Variants in SPOCK3 observed in about 807,000 individuals in gnomAD.
The protein encoded by SPOCK3 is testican-3.
Under a neutral mutation model 56.6 loss-of-function variants are expected in SPOCK3, and 30 were observed. That is an observed-to-expected ratio of 0.53 (90% CI 0.40 to 0.72). The LOEUF (loss-of-function observed/expected upper bound fraction) is 0.72. Among genes scored for constraint, SPOCK3 ranks in the 30% least tolerant of loss-of-function variants. The pLI is 0.00. For missense variants in SPOCK3, 527 were observed against 530.0 expected, an observed-to-expected ratio of 0.99 and a Z score of 0.06; for synonymous variants, 196 against 183.3, an observed-to-expected ratio of 1.07 and a Z score of -0.56.
At chr4:167,204,378 G>A (rs762840682) in intron 2 of SPOCK3, among the ~76,000 whole-genome samples, 1 of 152,056 alleles carries the variant, frequency 6.6e-6, no homozygotes, top group Non-Finnish European at 1.5e-5. Context: ...ATTGACTCAC[G>A]TTCCACACAT....
chr4:166,944,627 T>C (rs943905839), intron 4 of SPOCK3, among the ~76,000 whole-genome samples: 1 of 152,294 alleles, frequency 6.6e-6, no homozygotes. Context: ...TCAGTTTGGG[T>C]TTATCTGATG....
At chr4:166,915,596 C>T (rs868210563) in intron 4 of SPOCK3, among the ~76,000 whole-genome samples, 3 of 151,960 alleles carry the variant, frequency 2.0e-5, no homozygotes, top group Admixed American at 6.6e-5. Flanking sequence ...GAGAGAGCAA[C>T]GTGTTTCTAA....
intron 2 of SPOCK3, among the ~76,000 whole-genome samples, chr4:167,150,143 G>C (rs1210682181): frequency 6.6e-6 from 1 of 152,106 alleles, no homozygotes; most frequent in Non-Finnish European, 1.5e-5. Context: ...TGCATGAGTG[G>C]AATAAGGGCT....
At chr4:167,217,296 C>A (rs530892458) in intron 2 of SPOCK3, among the ~76,000 whole-genome samples, 7 of 152,038 alleles carry the variant, frequency 4.6e-5, no homozygotes, top group Admixed American at 1.3e-4. Context: ...CAACCACAGG[C>A]TGAAAATACC....
intron 6 of SPOCK3, among the ~76,000 whole-genome samples, chr4:166,864,763 CA>C (rs1438986873): frequency 2.0e-5 from 3 of 152,080 alleles, no homozygotes; most frequent in Non-Finnish European, 4.4e-5. Context: ...AGACCAATAA[CA>C]AGTTCTGAAA....
chr4:167,069,362 C>G (rs1029202606), intron 2 of SPOCK3, among the ~76,000 whole-genome samples: 2 of 151,880 alleles, frequency 1.3e-5, no homozygotes, highest in Admixed American at 6.6e-5. Context: ...GTGAGAGAAC[C>G]ATTTTGAACT....
intron 3 of SPOCK3, among the ~76,000 whole-genome samples, chr4:167,057,353 C>A (rs558890149): frequency 6.6e-6 from 1 of 152,110 alleles, no homozygotes; most frequent in Admixed American, 6.5e-5. Context: ...TAAAGACCAT[C>A]GAGGCTAGGA....
At chr4:166,972,379 C>T (rs1451744524) in intron 4 of SPOCK3, among the ~76,000 whole-genome samples, 1 of 152,080 alleles carries the variant, frequency 6.6e-6, no homozygotes, top group African/African-American at 2.4e-5. Flanking sequence ...AAAATGATGA[C>T]ATTCTAAATA....
intron 4 of SPOCK3, among the ~76,000 whole-genome samples, chr4:166,977,043 A>G (rs1008800128): frequency 1.5e-4 from 23 of 152,170 alleles, no homozygotes; most frequent in African/African-American, 5.5e-4. Context: ...AGCCAGTCTT[A>G]TTTTGAAACT....
rs567322589 is a variant in SPOCK3 at position 166,951,854 on chromosome 4, C to T, written c.351-39111G>A. 2.0e-5 allele frequency among the ~76,000 whole-genome samples: 3 copies of T among 152,088 alleles called. No individual in the cohort carries two copies. The South Asian group carries it at 6.2e-4, about 32-fold the overall frequency. ...AACCACATGATTATCTCAATAGATG[C>T]AGAAAAGGCCTTTGACAAAATTCAA... is the stretch of plus-strand genomic sequence containing the variant. On this transcript the variant is annotated intron_variant, in intron 4 of 10. Coordinates refer to ENST00000357545, the MANE Select transcript of SPOCK3 (RefSeq NM_001040159.2).
intron 4 of SPOCK3, among the ~76,000 whole-genome samples, chr4:166,964,006 C>T (rs1003251085): frequency 6.6e-6 from 1 of 151,708 alleles, no homozygotes; most frequent in East Asian, 1.9e-4. Context: ...AAAATCTGCA[C>T]TTCCTTTCAC....
intron 4 of SPOCK3, among the ~76,000 whole-genome samples, chr4:166,940,359 G>A (rs1175052289): frequency 6.6e-6 from 1 of 152,116 alleles, no homozygotes; most frequent in Non-Finnish European, 1.5e-5. Context: ...GTCCGCGACA[G>A]AGAAACTGAC....
intron 4 of SPOCK3, among the ~76,000 whole-genome samples, chr4:166,922,924 C>G (rs1428651638): frequency 6.6e-6 from 1 of 152,164 alleles, no homozygotes; most frequent in African/African-American, 2.4e-5. Context: ...AATACAGTTT[C>G]TAAGATTGGG....
intron 2 of SPOCK3, among the ~76,000 whole-genome samples, chr4:167,102,762 G>T (rs1040150999): frequency 6.6e-6 from 1 of 151,734 alleles, no homozygotes; most frequent in Admixed American, 6.6e-5. Context: ...GTCAAACCTC[G>T]CCACCATGGC....
chr4:166,777,959 G>A (rs1739752112), intron 7 of SPOCK3, among the ~76,000 whole-genome samples: 1 of 152,054 alleles, frequency 6.6e-6, no homozygotes, highest in Non-Finnish European at 1.5e-5. Context: ...ACTATTAATA[G>A]ATTACAAATT....
In SPOCK3 at chr4:167,034,216, C is replaced by T. The variant is rs778122788; in HGVS notation, c.235+28276G>A. Among the ~76,000 whole-genome samples, 6 of 151,792 alleles carry T rather than the reference C, an allele frequency of 4.0e-5. No individual in the cohort carries two copies. The South Asian group carries it at 6.2e-4, about 16-fold the overall frequency. On this transcript the variant is annotated intron_variant, in intron 3 of 10. Transcript: ENST00000357545. Reference sequence around the variant, plus strand: ...GTGAAAAAATATTTTAATATACATACACAAAATTGTATTTACTATTTTTTC... The same window carrying T: ...GTGAAAAAATATTTTAATATACATATACAAAATTGTATTTACTATTTTTTC...
At chr4:167,207,618 T>C (rs1307692665) in intron 2 of SPOCK3, among the ~76,000 whole-genome samples, 2 of 152,160 alleles carry the variant, frequency 1.3e-5, no homozygotes, top group Non-Finnish European at 2.9e-5. Flanking sequence ...AAATATTTCT[T>C]CTAATATCTC....
chr4:167,207,401 C>G (rs1311424376), intron 2 of SPOCK3, among the ~76,000 whole-genome samples: 2 of 151,408 alleles, frequency 1.3e-5, no homozygotes, highest in Non-Finnish European at 2.9e-5. Context: ...GTCTAACTTT[C>G]TAATAAAAAA....
intron 2 of SPOCK3, among the ~76,000 whole-genome samples, chr4:167,077,412 T>C (rs1047839511): frequency 2.0e-5 from 3 of 151,760 alleles, no homozygotes; most frequent in Middle Eastern, 3.2e-3. Flanking sequence ...CTCAAGGAAA[T>C]GCACAAGATG....
Sources: gnomAD v4.1 joint callset for allele counts (sites outside exome capture counted in the v4.1 genomes callset) on GRCh38, gnomAD v4.1.1 for gene constraint, MANE v1.5 for transcripts, NCBI Gene and HGNC (gene_info 2026-07-23, HGNC 2026-07-21) for gene names.